The following KNDC1 variants were observed in gnomAD, a reference collection of about 807,000 sequenced individuals.
The protein encoded by KNDC1 is kinase non-catalytic C-lobe domain containing 1.
In KNDC1, 106 loss-of-function variants were observed where a neutral mutation model predicts 172.8. The ratio of observed to expected loss-of-function variants is 0.61; its 90% CI spans 0.52 to 0.72. The LOEUF is 0.72. Among genes scored for constraint, KNDC1 ranks in the 30% least tolerant of loss-of-function variants. The pLI, the probability that KNDC1 is intolerant of heterozygous loss-of-function variation, is 0.00. For synonymous variants in KNDC1, 1,083 were observed against 1,062.2 expected, an observed-to-expected ratio of 1.02 and a Z score of -0.38; for missense variants, 2,325 against 2,394.5, an observed-to-expected ratio of 0.97 and a Z score of 0.61.
intron 3 of KNDC1, among the ~76,000 whole-genome samples, chr10:133,179,857 C>A (rs1355160220): frequency 1.3e-5 from 2 of 152,204 alleles, no homozygotes; most frequent in Non-Finnish European, 2.9e-5. Context: ...CATGCCTGAT[C>A]GGCCTCCCTC....
At chr10:133,171,217 T>A (rs11101601) in intron 3 of KNDC1, among the ~76,000 whole-genome samples, 3,171 of 152,326 alleles carry the variant, frequency 0.021, 45 homozygotes, top group Middle Eastern at 0.034. Flanking sequence ...TTATTAGATT[T>A]TCCTCAGGAA....
chr10:133,190,554 C>T (rs1564886771), intron 9 of KNDC1, among the ~76,000 whole-genome samples: 2 of 152,222 alleles, frequency 1.3e-5, no homozygotes, highest in Non-Finnish European at 2.9e-5. Flanking sequence ...TTCTGCCTCA[C>T]ATATTGAGAC....
chr10:133,194,236 C>T (rs1854129177), intron 9 of KNDC1, among the ~76,000 whole-genome samples: 1 of 152,144 alleles, frequency 6.6e-6, no homozygotes, highest in Non-Finnish European at 1.5e-5. Flanking sequence ...TCTCTGACCA[C>T]AGTAACAAAA....
intron 1 of KNDC1, among the ~76,000 whole-genome samples, chr10:133,166,333 G>C (rs1853152063): frequency 1.3e-5 from 2 of 152,238 alleles, no homozygotes; most frequent in Non-Finnish European, 1.5e-5. Context: ...CCCCGGCCGG[G>C]GAGCAGCACA....
At chr10:133,160,976 C>G (rs1430049862) in intron 1 of KNDC1, among the ~76,000 whole-genome samples, 1 of 151,912 alleles carries the variant, frequency 6.6e-6, no homozygotes, top group Non-Finnish European at 1.5e-5. Context: ...AGCTGAGGTT[C>G]AGGAGCGGGG....
rs749685271 is a variant in KNDC1, at chr10:133,167,578, C to T, written c.300C>T (p.Ser100=). The T allele has an allele frequency of 9.5e-6, 15 of 1,582,480 alleles. No homozygotes were observed. The highest frequency in any genetic ancestry group is 1.7e-4 in the Middle Eastern group (1 of 6,048). ...ACGTGTGTTTCATGGAGCAGCTCAG[C>T]GGTGAGGCGGCGGTGGCGGTGGCGG... The part of the protein sequence containing the change: ...SGNVCFMEQL[S]DDPEGAFVPP... The change falls in exon 2 of 30, where the codon AGC becomes AGT. Residue 100 remains serine (S), a splice_region_variant and synonymous_variant. Coordinates refer to ENST00000304613, the MANE Select transcript of KNDC1 (RefSeq NM_152643.8).
chr10:133,215,393 G>A lies in KNDC1; in HGVS notation c.4677+1271G>A, dbSNP rs528931067. ...CCCCTCCAAGCCCGCAGGCAACCCC[G>A]GGCCGTAAACGAAGGCAGAGGCACC... On this transcript the variant is annotated intron_variant, in intron 26 of 29. Transcript: ENST00000304613. 7.9e-5 allele frequency among the ~76,000 whole-genome samples: 12 copies of A among 152,290 alleles called. No homozygotes were observed. The South Asian group carries it at 1.2e-3, about 16-fold the overall frequency.
chr10:133,167,351 C>T (rs41299175), intron 1 of KNDC1, 30 bp from the exon 2 acceptor site: 222,865 of 1,537,186 alleles, frequency 0.14, 17,211 homozygotes, highest in Middle Eastern at 0.21. Flanking sequence ...GGGGTCCTGC[C>T]GGGCTCACGG....
intron 3 of KNDC1, among the ~76,000 whole-genome samples, chr10:133,174,693 G>C (rs1853476453): frequency 6.6e-6 from 1 of 151,882 alleles, no homozygotes. Context: ...TGGATGGGTG[G>C]GTAGATAGGT....
intron 3 of KNDC1, among the ~76,000 whole-genome samples, chr10:133,174,772 A>G (rs969955282): frequency 6.6e-6 from 1 of 150,546 alleles, no homozygotes. Context: ...GAACAAGTAG[A>G]TGGTGGGTAT....
chr10:133,177,939 AC>A (rs1358520501), intron 3 of KNDC1, among the ~76,000 whole-genome samples: 1 of 137,476 alleles, frequency 7.3e-6, no homozygotes, highest in Non-Finnish European at 1.5e-5. Context: ...GTGTTATGTC[AC>A]GGACACGTGT....
intron 3 of KNDC1, among the ~76,000 whole-genome samples, chr10:133,181,456 C>T (rs1032840316): frequency 2.0e-5 from 3 of 152,290 alleles, no homozygotes; most frequent in East Asian, 3.9e-4. Flanking sequence ...CCAGGCGAGC[C>T]GTGAGGGGAC....
rs866221213 is a variant in KNDC1, at chr10:133,202,262, G to C, written c.3387+364G>C. 7.1e-6 allele frequency: 4 copies of C among 563,448 alleles called. No homozygotes were observed. The African/African-American group carries it at 7.4e-5, about 10-fold the overall frequency. The allele number at this position is 563,448 out of a possible 1,614,324, so 34.9% of individuals were successfully genotyped here. A position where few individuals can be genotyped will look rare whatever the true frequency, so the allele number is the denominator to read the frequency against. ...GCAGGCACAGCCTCCGGGCCCTTGG[G>C]CAGCCTCGCTCTGCAGTGAAAGAAA... On this transcript the variant is annotated intron_variant, in intron 17 of 29. Transcript: ENST00000304613.
intron 4 of KNDC1, 121 bp from the exon 5 acceptor site, chr10:133,183,751 G>A (rs1157432738): frequency 1.8e-5 from 16 of 866,010 alleles, no homozygotes; most frequent in African/African-American, 5.1e-5. Flanking sequence ...CAAGGCAGGC[G>A]CAGGCAGGCT....
chr10:133,194,402 G>A (rs1854133055), intron 9 of KNDC1, among the ~76,000 whole-genome samples: 1 of 152,162 alleles, frequency 6.6e-6, no homozygotes, highest in African/African-American at 2.4e-5. Flanking sequence ...TGTGCCAATG[G>A]CGATGTGCTG....
chr10:133,185,837 G>C, intron 5 of KNDC1, 137 bp from the exon 6 acceptor site: 1 of 496,102 alleles, frequency 2.0e-6, no homozygotes, highest in Non-Finnish European at 3.5e-6. Context: ...GGGAGGGGAG[G>C]AGAGGGGAGG....
Position 133,224,591 on chromosome 10 carries a change from A to T in KNDC1, c.5019-68A>T. Reference sequence around the variant, plus strand: ...AAATGATTCCTAAGAACGCGGGGGGACTCCCTCCCCACGGAAGCCGCGCCC... The same window carrying T: ...AAATGATTCCTAAGAACGCGGGGGGTCTCCCTCCCCACGGAAGCCGCGCCC... On this transcript the variant is annotated intron_variant, in intron 29 of 29. Transcript: ENST00000304613. This position sits in a 1 kb window ranked among gnomAD's most constrained non-coding sequence, Gnocchi z 5.4. The T allele has an allele frequency of 9.2e-7, 1 of 1,092,436 alleles. No individual in the cohort carries two copies. The allele number at this position is 1,092,436 out of a possible 1,614,324, so 67.7% of individuals were successfully genotyped here.
chr10:133,173,655 A>G (rs984139491), intron 3 of KNDC1, among the ~76,000 whole-genome samples: 2 of 152,252 alleles, frequency 1.3e-5, no homozygotes, highest in African/African-American at 4.8e-5. Flanking sequence ...CATCTGTGTA[A>G]GCAGCACCCA....
chr10:133,167,622 G>T (rs1480279484), intron 2 of KNDC1, 43 bp downstream of exon 2: 3 of 1,536,728 alleles, frequency 2.0e-6, no homozygotes, highest in Non-Finnish European at 2.6e-6. Flanking sequence ...GGCACGCGGG[G>T]TGGAGGTGCC....
Sources: gnomAD v4.1 joint callset for allele counts (sites outside exome capture counted in the v4.1 genomes callset) on GRCh38, gnomAD v4.1.1 for gene constraint, Gnocchi (gnomAD v3.1) non-coding constraint, MANE v1.5 for transcripts, NCBI Gene and HGNC (gene_info 2026-07-23, HGNC 2026-07-21) for gene names.